Variants in FHIT observed in about 807,000 individuals in gnomAD.
FHIT encodes fragile histidine triad diadenosine triphosphatase, also known as bis(5'-adenosyl)-triphosphatase.
In FHIT, 19 loss-of-function variants were observed where a neutral mutation model predicts 17.9. That is an observed-to-expected ratio of 1.06 (90% CI 0.74 to 1.56). FHIT has a LOEUF of 1.56. Ranked by LOEUF, FHIT falls within the 40% of genes most tolerant of loss-of-function variation. The pLI is 0.00. For synonymous variants in FHIT, 81 were observed against 69.7 expected (o/e 1.16, Z -0.81); for missense variants, 248 against 189.2 (o/e 1.31, Z -1.82).
chr3:61,001,477 A>G (rs1163038090), intron 3 of FHIT, among the ~76,000 whole-genome samples: 1 of 152,372 alleles, frequency 6.6e-6, no homozygotes, highest in East Asian at 1.9e-4. Flanking sequence ...TCTTAGCAAT[A>G]CAAAGGAATG....
chr3:60,916,514 T>A (rs1041468595), intron 3 of FHIT, among the ~76,000 whole-genome samples: 4 of 152,218 alleles, frequency 2.6e-5, no homozygotes, highest in African/African-American at 9.6e-5. Context: ...TAGGCAGTTA[T>A]AATCATTATT....
chr3:61,190,567 C>T lies in FHIT; in HGVS notation c.-164+10050G>A, dbSNP rs139738594. Among the ~76,000 whole-genome samples, 926 of 152,198 alleles carry T rather than the reference C, an allele frequency of 6.1e-3. 4 individuals carry two copies. The highest frequency in any genetic ancestry group is 0.01 in the Middle Eastern group (3 of 294). ...AACTAGAATTACCATTTGACCCAGC[C>T]ATCTCATTACTGGGTATATACTAAA... is the stretch of plus-strand genomic sequence containing the variant. On this transcript the variant is annotated intron_variant, in intron 2 of 9. Transcript: ENST00000492590.
intron 5 of FHIT, among the ~76,000 whole-genome samples, chr3:60,287,523 G>C (rs958337870): frequency 4.6e-5 from 7 of 152,128 alleles, no homozygotes; most frequent in African/African-American, 1.7e-4. Context: ...ATATATGACA[G>C]TTTATTAGTA....
At chr3:60,822,399 G>C (rs528284223) in intron 3 of FHIT, among the ~76,000 whole-genome samples, 22 of 152,252 alleles carry the variant, frequency 1.4e-4, no homozygotes, top group South Asian at 4.2e-4. Flanking sequence ...GGTGGGAAGA[G>C]TCTTTCTCTG....
intron 5 of FHIT, among the ~76,000 whole-genome samples, chr3:60,342,894 G>C (rs760309213): frequency 2.0e-5 from 3 of 152,058 alleles, no homozygotes; most frequent in Non-Finnish European, 4.4e-5. Flanking sequence ...CCTTCCCAAG[G>C]AATTTGTCAT....
chr3:61,028,014 C>T (rs1307404299), intron 3 of FHIT, among the ~76,000 whole-genome samples: 1 of 152,172 alleles, frequency 6.6e-6, no homozygotes, highest in African/African-American at 2.4e-5. Context: ...TTATTTTAAA[C>T]TAAGAGGAAC....
At chr3:60,327,058 G>A (rs1378790663) in intron 5 of FHIT, among the ~76,000 whole-genome samples, 1 of 152,114 alleles carries the variant, frequency 6.6e-6, no homozygotes, top group Non-Finnish European at 1.5e-5. Context: ...TCGTCCCCAG[G>A]CTTCCTGCAC....
At chr3:60,540,961 T>G (rs2036167425) in intron 4 of FHIT, among the ~76,000 whole-genome samples, 1 of 152,054 alleles carries the variant, frequency 6.6e-6, no homozygotes, top group Admixed American at 6.6e-5. Context: ...AAATGCAAAT[T>G]TTGAGGCCCC....
intron 4 of FHIT, among the ~76,000 whole-genome samples, chr3:60,731,187 G>T (rs1553711126): frequency 6.6e-6 from 1 of 152,002 alleles, no homozygotes; most frequent in African/African-American, 2.4e-5. Flanking sequence ...GTACGTTACT[G>T]GCCGAACATA....
chr3:60,231,336 T>C (rs1187646300), intron 5 of FHIT, among the ~76,000 whole-genome samples: 2 of 152,202 alleles, frequency 1.3e-5, no homozygotes, highest in East Asian at 1.9e-4. Context: ...CACATATACA[T>C]ATAAATTCAA....
chr3:60,910,172 C>T (rs1421449743), intron 3 of FHIT, among the ~76,000 whole-genome samples: 1 of 152,146 alleles, frequency 6.6e-6, no homozygotes, highest in African/African-American at 2.4e-5. Flanking sequence ...TCTAACCAAT[C>T]AAAATCTTCT....
chr3:59,839,432 G>A (rs1379374868), intron 8 of FHIT, among the ~76,000 whole-genome samples: 2 of 152,068 alleles, frequency 1.3e-5, no homozygotes, highest in Non-Finnish European at 2.9e-5. Context: ...GGTCTCCCCA[G>A]ATACATTGTA....
chr3:60,662,852 T>A (rs2040290950), intron 4 of FHIT, among the ~76,000 whole-genome samples: 1 of 152,028 alleles, frequency 6.6e-6, no homozygotes. Context: ...ATTTATTTTT[T>A]AAAATTGTTA....
chr3:60,735,724 C>T (rs2042121109), intron 4 of FHIT, among the ~76,000 whole-genome samples: 1 of 152,192 alleles, frequency 6.6e-6, no homozygotes, highest in Admixed American at 6.5e-5. Context: ...AAGCTCTTAA[C>T]TTTATAGATA....
At chr3:61,161,242 G>A (rs1024812596) in intron 2 of FHIT, among the ~76,000 whole-genome samples, 4 of 148,450 alleles carry the variant, frequency 2.7e-5, no homozygotes, top group Non-Finnish European at 4.4e-5. Context: ...TTGCTTTGTC[G>A]CCCAGGCTGG....
chr3:60,321,925 G>A (rs1313879227), intron 5 of FHIT, among the ~76,000 whole-genome samples: 6 of 152,154 alleles, frequency 3.9e-5, no homozygotes, highest in Non-Finnish European at 7.3e-5. Context: ...CAGAGCCCTC[G>A]TGACTTAATC....
chr3:60,722,595 T>C (rs1553708322), intron 4 of FHIT, among the ~76,000 whole-genome samples: 4 of 152,046 alleles, frequency 2.6e-5, no homozygotes, highest in East Asian at 1.9e-4. Context: ...CTCCACCTTG[T>C]AGATGCTAGT....
intron 5 of FHIT, among the ~76,000 whole-genome samples, chr3:60,453,149 C>A (rs949738232): frequency 6.6e-6 from 1 of 151,828 alleles, no homozygotes; most frequent in African/African-American, 2.4e-5. Context: ...TATAATGATG[C>A]AATTATACGC....
At chr3:60,598,084 T>G (rs1038422668) in intron 4 of FHIT, among the ~76,000 whole-genome samples, 6 of 152,262 alleles carry the variant, frequency 3.9e-5, no homozygotes, top group Admixed American at 3.3e-4. Context: ...TGGAAAGATG[T>G]ATCATCCTAA....
Sources: allele counts gnomAD v4.1 joint callset (sites outside exome capture counted in the v4.1 genomes callset), GRCh38; gene constraint gnomAD v4.1.1; transcripts MANE v1.5; gene names NCBI Gene and HGNC (gene_info 2026-07-23, HGNC 2026-07-21).